Variants in RASGRP1 observed in about 807,000 individuals in gnomAD.
RASGRP1 encodes the protein RAS guanyl-releasing protein 1.
A neutral mutation model predicts 95.1 loss-of-function variants in RASGRP1; 37 were observed. The observed-to-expected ratio is 0.39, with a 90% CI of 0.30 to 0.51. The LOEUF is 0.51. RASGRP1 is among the 20% of genes least tolerant of loss of function. The pLI is 0.80. For missense variants in RASGRP1, 711 were observed against 965.4 expected, an observed-to-expected ratio of 0.74 and a Z score of 3.49; for synonymous variants, 325 against 353.4, an observed-to-expected ratio of 0.92 and a Z score of 0.90.
At chr15:38,495,587 A>G (rs1472725227) in intron 15 of RASGRP1, among the ~76,000 whole-genome samples, 1 of 152,218 alleles carries the variant, frequency 6.6e-6, no homozygotes, top group African/African-American at 2.4e-5. Context: ...AAAGTTTTCT[A>G]ATTAGTATTT....
chr15:38,504,146 C>T (rs1238459934), intron 10 of RASGRP1: 1 of 152,018 alleles, frequency 6.6e-6, no homozygotes, highest in Non-Finnish European at 1.5e-5. Context: ...ATAGAGCTTT[C>T]AAGATTAGAA....
At chr15:38,508,699 C>A (rs1891367386) in intron 8 of RASGRP1, among the ~76,000 whole-genome samples, 1 of 152,226 alleles carries the variant, frequency 6.6e-6, no homozygotes, top group Admixed American at 6.5e-5. Flanking sequence ...CACCCTGCTT[C>A]AAACCTGGAA....
At chr15:38,540,114 G>A (rs921740217) in intron 2 of RASGRP1, among the ~76,000 whole-genome samples, 1 of 152,008 alleles carries the variant, frequency 6.6e-6, no homozygotes, top group Non-Finnish European at 1.5e-5. Flanking sequence ...ATTTTGTAGA[G>A]ATGAGGTCCT....
At chr15:38,495,672 TTTAAA>T (rs1307209692) in intron 15 of RASGRP1, among the ~76,000 whole-genome samples, 15 of 152,232 alleles carry the variant, frequency 9.9e-5, no homozygotes, top group African/African-American at 3.1e-4. Flanking sequence ...GAGAACATAA[TTTAAA>T]TTAACATTTA....
rs554115539 is a variant in RASGRP1 at position 38,520,686 on chromosome 15, T to G, written c.327-1315A>C. ...TAGAGTTATAAAAAACTATTTAGAA[T>G]TCAGGGAGGTATCTGAAGCACTTAA... On this transcript the variant is annotated intron_variant, in intron 3 of 16. Transcript: ENST00000310803. 1.3e-4 allele frequency among the ~76,000 whole-genome samples: 20 copies of G among 152,280 alleles called. No homozygotes were observed. The South Asian group carries it at 4.1e-3, about 32-fold the overall frequency.
intron 9 of RASGRP1, among the ~76,000 whole-genome samples, chr15:38,506,276 A>G (rs1891248843): frequency 6.6e-6 from 1 of 152,216 alleles, no homozygotes; most frequent in Non-Finnish European, 1.5e-5. Flanking sequence ...ATAGTCTGAG[A>G]CTATTAAATT....
At chr15:38,511,525 G>A (rs1875293291) in intron 8 of RASGRP1, 79 bp downstream of exon 8, 6 of 1,116,150 alleles carry the variant, frequency 5.4e-6, no homozygotes, top group Admixed American at 5.4e-5. Flanking sequence ...ATGCTCTCTG[G>A]GCTGCCCACC....
intron 11 of RASGRP1, 95 bp downstream of exon 11, chr15:38,503,177 A>C: frequency 9.8e-7 from 1 of 1,018,166 alleles, no homozygotes; most frequent in Non-Finnish European, 1.5e-6. Flanking sequence ...GTGCCTTTAC[A>C]TTTCCACCAT....
rs1364508439 is a variant in RASGRP1, at chr15:38,490,415, T to C, written c.*139A>G. On this transcript the variant is annotated 3_prime_UTR_variant, in exon 17 of 17. Coordinates refer to ENST00000310803, the MANE Select transcript of RASGRP1 (RefSeq NM_005739.4). ...TGCTGCACATTAGGAATCTTTTAGG[T>C]AAATAAACAGTAACAGGCTTTTCCT... 1.2e-6 allele frequency: 1 copy of C among 857,364 alleles called. No individual in the cohort carries two copies. Among genetic ancestry groups the C allele is most frequent in the Non-Finnish European group, 1.6e-6 (1 of 617,672 alleles). 53.1% of individuals were successfully genotyped at this position (857,364 alleles called of 1,614,324 possible).
rs772385778 is a variant in RASGRP1 at position 38,508,006 on chromosome 15, A to G, written c.967-5T>C. ...CTCAGTCATCTCACCGAGAACCTAC[A>G]AAGCAGAACAGACCAATCACAGGTA... On this transcript the variant is annotated splice_polypyrimidine_tract_variant and splice_region_variant and intron_variant, in intron 8 of 16. Coordinates refer to ENST00000310803, the MANE Select transcript of RASGRP1 (RefSeq NM_005739.4). 7 of 1,597,546 alleles carry G rather than the reference A, an allele frequency of 4.4e-6. No homozygotes were observed. In the East Asian group the frequency reaches 1.6e-4, roughly 36 times the overall value.
chr15:38,558,129 T>C (rs7173565), intron 2 of RASGRP1, among the ~76,000 whole-genome samples: 62,500 of 151,944 alleles, frequency 0.41, 15,302 homozygotes, highest in African/African-American at 0.68. Flanking sequence ...GAAATAGTCA[T>C]GGTGGCCTGC....
chr15:38,564,468 G>T, intron 1 of RASGRP1, 126 bp downstream of exon 1: 1 of 905,394 alleles, frequency 1.1e-6, no homozygotes. Context: ...TGGTGTCCCG[G>T]GACTCCGGCC....
At chr15:38,529,617 T>C (rs1353789843) in intron 2 of RASGRP1, among the ~76,000 whole-genome samples, 1 of 152,232 alleles carries the variant, frequency 6.6e-6, no homozygotes, top group Admixed American at 6.5e-5. Context: ...ATTTAATTTT[T>C]TATTTTCTAA....
chr15:38,512,265 G>A (rs558641134), intron 7 of RASGRP1, among the ~76,000 whole-genome samples: 1 of 152,190 alleles, frequency 6.6e-6, no homozygotes, highest in African/African-American at 2.4e-5. Flanking sequence ...TGCAATGCCA[G>A]TGCCTATATA....
chr15:38,535,918 C>T (rs1892624360), intron 2 of RASGRP1, among the ~76,000 whole-genome samples: 1 of 152,116 alleles, frequency 6.6e-6, no homozygotes, highest in Non-Finnish European at 1.5e-5. Flanking sequence ...CTCTTCAGTT[C>T]TGGAAATTGG....
At chr15:38,552,183 C>T (rs949266712) in intron 2 of RASGRP1, among the ~76,000 whole-genome samples, 3 of 152,182 alleles carry the variant, frequency 2.0e-5, no homozygotes, top group African/African-American at 4.8e-5. Flanking sequence ...AACTTCTCAA[C>T]CACACTGATA....
chr15:38,554,773 T>C (rs867365241), intron 2 of RASGRP1, among the ~76,000 whole-genome samples: 1 of 152,220 alleles, frequency 6.6e-6, no homozygotes, highest in African/African-American at 2.4e-5. Context: ...AGCCTCAGGA[T>C]GCAAGTGCCC....
rs372045194 is a variant in RASGRP1 at position 38,507,769 on chromosome 15, G to T, written c.1199C>A (p.Ala400Asp). 8 of 1,596,782 alleles carry T rather than the reference G, an allele frequency of 5.0e-6. No individual in the cohort carries two copies. The African/African-American group carries it at 1.1e-4, about 21-fold the overall frequency. The change falls in exon 9 of 17, where the codon GCC (alanine) becomes GAC (aspartate). Residue 400 changes from alanine to aspartate, a missense_variant. Ala to Asp is a moderately radical substitution (Grantham distance 126). Coordinates refer to ENST00000310803, the MANE Select transcript of RASGRP1 (RefSeq NM_005739.4). ...GTCCTTGTTAGCCTCCAAGGGTGGG[G>T]CCACCTCTTGCAGCTGGACCAATTC... ...ISELVQLQEV[A>D]PPLEANKDLV...
In RASGRP1 at chr15:38,507,596, T is replaced by C. The variant is rs1454027029; in HGVS notation, c.1242+130A>G. 8 of 1,047,766 alleles carry C rather than the reference T, an allele frequency of 7.6e-6. No individual in the cohort carries two copies. In the South Asian group the frequency reaches 8.3e-5, roughly 11 times the overall value. 64.9% of individuals were successfully genotyped at this position (1,047,766 alleles called of 1,614,324 possible). On this transcript the variant is annotated intron_variant, in intron 9 of 16. Coordinates refer to ENST00000310803, the MANE Select transcript of RASGRP1 (RefSeq NM_005739.4). Reference sequence around the variant, plus strand: ...GTGCTTTAGTATCCCTAGCTATATGTTGGAGATAGTAATAGGATCTGCTTC... The same window carrying C: ...GTGCTTTAGTATCCCTAGCTATATGCTGGAGATAGTAATAGGATCTGCTTC...
Sources: allele counts gnomAD v4.1 joint callset (sites outside exome capture counted in the v4.1 genomes callset), GRCh38; gene constraint gnomAD v4.1.1; transcripts MANE v1.5; gene names NCBI Gene and HGNC (gene_info 2026-07-23, HGNC 2026-07-21).